The following SOX5 variants were observed in gnomAD, a reference collection of about 807,000 sequenced individuals.
The protein encoded by SOX5 is SRY-box transcription factor 5.
SOX5 carries 9 observed loss-of-function variants against 92.0 expected under a neutral mutation model. The observed-to-expected ratio is 0.10, with a 90% CI of 0.06 to 0.17. The LOEUF is 0.17. Among genes scored for constraint, SOX5 ranks in the 10% least tolerant of loss-of-function variants. The pLI is 1.00. For missense variants in SOX5, 642 were observed against 944.5 expected (o/e 0.68, Z 4.20); for synonymous variants, 344 against 336.3 (o/e 1.02, Z -0.25).
intron 4 of SOX5, among the ~76,000 whole-genome samples, chr12:23,970,826 T>A (rs10842253): frequency 0.39 from 9,339 of 24,212 alleles, 1,384 homozygotes; most frequent in Non-Finnish European, 0.54. Context: ...ACATGGGACT[T>A]TATATATATA....
At chr12:23,843,097 A>G (rs2135966101) in intron 3 of SOX5, among the ~76,000 whole-genome samples, 1 of 152,320 alleles carries the variant, frequency 6.6e-6, no homozygotes, top group East Asian at 1.9e-4. Context: ...TGATTGAGAC[A>G]AACATTAGAC....
chr12:24,095,202 T>C (rs1392750957), intron 4 of SOX5, among the ~76,000 whole-genome samples: 1 of 143,384 alleles, frequency 7.0e-6, no homozygotes, highest in Non-Finnish European at 1.5e-5. Flanking sequence ...GAGATTCCTT[T>C]CCTAATTATT....
At chr12:24,236,599 T>C (rs1052021205) in intron 3 of SOX5, among the ~76,000 whole-genome samples, 2 of 152,204 alleles carry the variant, frequency 1.3e-5, no homozygotes, top group African/African-American at 4.8e-5. Context: ...TACAGTTTCC[T>C]TATCTTCTAA....
chr12:24,144,926 T>C (rs1410608648), intron 4 of SOX5, among the ~76,000 whole-genome samples: 2 of 152,124 alleles, frequency 1.3e-5, no homozygotes, highest in East Asian at 1.9e-4. Context: ...ATCATATCTC[T>C]ACAAAAAAAC....
chr12:24,024,622 C>T (rs1954672312), intron 4 of SOX5, among the ~76,000 whole-genome samples: 2 of 152,040 alleles, frequency 1.3e-5, no homozygotes, highest in South Asian at 2.1e-4. Flanking sequence ...ACATTTCAGA[C>T]ATTTCTAAAT....
intron 1 of SOX5, among the ~76,000 whole-genome samples, chr12:24,517,693 T>C (rs1949916302): frequency 7.9e-6 from 1 of 126,890 alleles, no homozygotes; most frequent in Non-Finnish European, 1.6e-5. Context: ...GAAAACATAA[T>C]TAATTCCATG....
intron 3 of SOX5, among the ~76,000 whole-genome samples, chr12:23,815,343 C>T (rs116879981): frequency 1.3e-5 from 2 of 152,234 alleles, no homozygotes; most frequent in African/African-American, 2.4e-5. Context: ...AGACAAATTA[C>T]TATATAGACC....
At chr12:23,702,953 A>G (rs1188896574) in intron 6 of SOX5, among the ~76,000 whole-genome samples, 1 of 152,054 alleles carries the variant, frequency 6.6e-6, no homozygotes, top group Admixed American at 6.6e-5. Flanking sequence ...GCAATTGTCC[A>G]TGGGTAACTG....
At chr12:23,943,576 TAGAAAG>T (rs1944046069) in intron 1 of SOX5, among the ~76,000 whole-genome samples, 1 of 151,972 alleles carries the variant, frequency 6.6e-6, no homozygotes, top group African/African-American at 2.4e-5. Flanking sequence ...AAGCAACACT[TAGAAAG>T]AAACACATAC....
chr12:24,341,869 G>C (rs1340808982), intron 2 of SOX5, among the ~76,000 whole-genome samples: 1 of 152,148 alleles, frequency 6.6e-6, no homozygotes, highest in Non-Finnish European at 1.5e-5. Flanking sequence ...GGCAGCTTTG[G>C]CTCCTGGGTT....
At chr12:24,485,545 T>C (rs1946431149) in intron 1 of SOX5, among the ~76,000 whole-genome samples, 1 of 152,196 alleles carries the variant, frequency 6.6e-6, no homozygotes, top group Admixed American at 6.5e-5. Context: ...ACTCTGTAAC[T>C]GGTTTTCTTT....
intron 1 of SOX5, among the ~76,000 whole-genome samples, chr12:24,488,037 T>G (rs1243808511): frequency 6.6e-6 from 1 of 152,222 alleles, no homozygotes; most frequent in Non-Finnish European, 1.5e-5. Flanking sequence ...ATGACTATTA[T>G]TTCCCTGGAG....
chr12:24,000,662 T>C (rs182664419), intron 4 of SOX5, among the ~76,000 whole-genome samples: 4 of 152,166 alleles, frequency 2.6e-5, no homozygotes, highest in Admixed American at 1.3e-4. Context: ...ATAAGATACA[T>C]AGAAAACAAA....
chr12:23,905,677 G>A lies in SOX5; in HGVS notation c.39-9653C>T, dbSNP rs59915735. Among the ~76,000 whole-genome samples, 225 of 152,122 alleles carry A rather than the reference G, an allele frequency of 1.5e-3. 1 individual carries two copies. The highest frequency in any genetic ancestry group is 5.3e-3 in the African/African-American group (220 of 41,536). On this transcript the variant is annotated intron_variant, in intron 1 of 14. Transcript: ENST00000451604. Reference sequence around the variant, plus strand: ...ATTAGAGTTAATTGTGATAAATACAGCAAAACTGAAGGAAAACTAGTTTAC... The same window carrying A: ...ATTAGAGTTAATTGTGATAAATACAACAAAACTGAAGGAAAACTAGTTTAC...
intron 4 of SOX5, among the ~76,000 whole-genome samples, chr12:23,970,501 G>C (rs1948097557): frequency 6.6e-6 from 1 of 151,610 alleles, no homozygotes; most frequent in African/African-American, 2.4e-5. Flanking sequence ...CTGTCTTTAT[G>C]AATTTGCCTA....
At chr12:23,801,783 A>G (rs1475243756) in intron 3 of SOX5, among the ~76,000 whole-genome samples, 3 of 152,100 alleles carry the variant, frequency 2.0e-5, no homozygotes, top group Non-Finnish European at 4.4e-5. Flanking sequence ...TGTAAATTTT[A>G]TTCATGCTTT....
chr12:23,918,321 G>A (rs571278185), intron 1 of SOX5, among the ~76,000 whole-genome samples: 62 of 152,118 alleles, frequency 4.1e-4, no homozygotes, highest in African/African-American at 1.3e-3. Flanking sequence ...GTTCTAATTC[G>A]GGGTAACAAC....
intron 3 of SOX5, among the ~76,000 whole-genome samples, chr12:23,812,812 C>G (rs1302128050): frequency 6.6e-6 from 1 of 152,026 alleles, no homozygotes; most frequent in African/African-American, 2.4e-5. Flanking sequence ...ACACACTATT[C>G]TCATAAAATT....
chr12:23,671,473 T>C (rs911298258), intron 6 of SOX5, among the ~76,000 whole-genome samples: 1 of 152,076 alleles, frequency 6.6e-6, no homozygotes, highest in African/African-American at 2.4e-5. Context: ...GAATAAAATA[T>C]CCAAATGAGA....
Sources: allele counts gnomAD v4.1 joint callset (sites outside exome capture counted in the v4.1 genomes callset), GRCh38; gene constraint gnomAD v4.1.1; transcripts MANE v1.5; gene names NCBI Gene and HGNC (gene_info 2026-07-23, HGNC 2026-07-21).